Variants in PTPRT observed in about 807,000 individuals in gnomAD.
PTPRT encodes receptor-type tyrosine-protein phosphatase T.
Under a neutral mutation model 176.8 loss-of-function variants are expected in PTPRT, and 56 were observed. The observed-to-expected ratio is 0.32, with a 90% CI of 0.26 to 0.40. The LOEUF (loss-of-function observed/expected upper bound fraction) is 0.40. Among genes scored for constraint, PTPRT ranks in the 10% least tolerant of loss-of-function variants. PTPRT has a pLI of 1.00. For synonymous variants in PTPRT, 783 were observed against 739.0 expected (o/e 1.06, Z -0.96); for missense variants, 1,540 against 1,908.2 (o/e 0.81, Z 3.60).
intron 1 of PTPRT, among the ~76,000 whole-genome samples, chr20:43,024,461 G>A (rs368092247): frequency 3.3e-5 from 5 of 151,782 alleles, no homozygotes; most frequent in East Asian, 3.9e-4. Context: ...ATGGTGGCAC[G>A]CTCCTATAAT....
At chr20:43,070,616 A>C (rs1185528711) in intron 1 of PTPRT, among the ~76,000 whole-genome samples, 1 of 152,224 alleles carries the variant, frequency 6.6e-6, no homozygotes, top group East Asian at 1.9e-4. Flanking sequence ...AAAATGTGGC[A>C]CATATACACC....
rs553715180 is a variant in PTPRT, at chr20:42,808,281, C to T, written c.215-16815G>A. Among the ~76,000 whole-genome samples, 118 of 152,332 alleles carry T rather than the reference C, an allele frequency of 7.7e-4. 1 individual carries two copies. Among genetic ancestry groups the T allele is most frequent in the Non-Finnish European group, 5.9e-5 (4 of 68,042 alleles). On this transcript the variant is annotated intron_variant, in intron 2 of 30. Coordinates refer to ENST00000373187, the MANE Select transcript of PTPRT (RefSeq NM_007050.6). The stretch of plus-strand genomic sequence containing the variant: ...CATCCTAATAAACACTCATCTCCAT[C>T]TCTGATTCTGAATCCCAGAGAATCC...
chr20:42,662,366 G>A (rs562968133), intron 7 of PTPRT, among the ~76,000 whole-genome samples: 16 of 152,258 alleles, frequency 1.1e-4, no homozygotes, highest in African/African-American at 3.4e-4. Flanking sequence ...GCTGGGTCCA[G>A]AGCAGGACTC....
chr20:42,694,872 A>G (rs2867493), intron 6 of PTPRT, among the ~76,000 whole-genome samples: 55,143 of 151,882 alleles, frequency 0.36, 11,018 homozygotes, highest in African/African-American at 0.54. Context: ...TGCAAACAGG[A>G]TGTCTACTGT....
intron 6 of PTPRT, among the ~76,000 whole-genome samples, chr20:42,733,176 C>T (rs1489475868): frequency 2.6e-5 from 4 of 152,144 alleles, no homozygotes; most frequent in East Asian, 1.9e-4. Context: ...CTGCAGATGA[C>T]GTGTACATTC....
At position 42,778,301 on chromosome 20, in the gene PTPRT, C is replaced by T. The variant is rs549725494; in HGVS notation, c.568+1917G>A. On this transcript the variant is annotated intron_variant, in intron 4 of 30. Transcript: ENST00000373187. ...GAGGTAAGGCAGAGCTTTTACCACTCTGGCCTTGAAGGTAGTTACGGCTAG... is the reference window on the plus strand; with the variant it reads ...GAGGTAAGGCAGAGCTTTTACCACTTTGGCCTTGAAGGTAGTTACGGCTAG... Among the ~76,000 whole-genome samples, 4 of 152,308 alleles carry T rather than the reference C, an allele frequency of 2.6e-5. No individual in the cohort carries two copies. The South Asian group carries it at 8.3e-4, about 32-fold the overall frequency.
chr20:43,170,675 C>A (rs1185133173), intron 1 of PTPRT, among the ~76,000 whole-genome samples: 1 of 152,184 alleles, frequency 6.6e-6, no homozygotes, highest in Non-Finnish European at 1.5e-5. Flanking sequence ...AACCCCCTGC[C>A]AGACTGGTAG....
chr20:42,925,798 C>A (rs1324728847), intron 1 of PTPRT, among the ~76,000 whole-genome samples: 1 of 152,192 alleles, frequency 6.6e-6, no homozygotes, highest in Non-Finnish European at 1.5e-5. Context: ...AGGGCCATGC[C>A]TTGAGAGAAT....
intron 6 of PTPRT, among the ~76,000 whole-genome samples, chr20:42,709,093 G>A (rs200599313): frequency 6.6e-6 from 1 of 152,232 alleles, no homozygotes; most frequent in Non-Finnish European, 1.5e-5. Context: ...CTTGTAGCTT[G>A]CTTTGGTTAT....
rs141489753 is a variant in PTPRT, at chr20:42,172,136, T to C, written c.2492-10594A>G. 7.9e-5 allele frequency among the ~76,000 whole-genome samples: 12 copies of C among 151,880 alleles called. No individual in the cohort carries two copies. The East Asian group carries it at 2.3e-3, about 29-fold the overall frequency. ...TAATGCACACATGACAGAAAAAGGA[T>C]AGGTGGGTTTGAAAAATATACATTC... is the stretch of plus-strand genomic sequence containing the variant. On this transcript the variant is annotated intron_variant, in intron 16 of 30. Coordinates refer to ENST00000373187, the MANE Select transcript of PTPRT (RefSeq NM_007050.6).
chr20:42,911,827 C>A (rs1687609980), intron 1 of PTPRT, among the ~76,000 whole-genome samples: 1 of 152,198 alleles, frequency 6.6e-6, no homozygotes, highest in East Asian at 1.9e-4. Flanking sequence ...ACATTTGGAA[C>A]CAGAATGAAC....
chr20:42,741,858 G>A (rs1351432786), intron 6 of PTPRT, among the ~76,000 whole-genome samples: 2 of 152,100 alleles, frequency 1.3e-5, no homozygotes, highest in African/African-American at 4.8e-5. Flanking sequence ...TAAGACCTGG[G>A]AGGAGGGTAC....
rs115800491 is a variant in PTPRT, at chr20:42,707,770, A to G, written c.860-29611T>C. On this transcript the variant is annotated intron_variant, in intron 6 of 30. Transcript: ENST00000373187. ...GGAGTTTCAGACCAGCCTGAGCAAC[A>G]CAGCAATACCCCATCTCGAAAATCA... Among the ~76,000 whole-genome samples, 1,337 of 152,320 alleles carry G rather than the reference A, an allele frequency of 8.8e-3. 22 individuals carry two copies. The highest frequency in any genetic ancestry group is 0.031 in the African/African-American group (1,277 of 41,568).
At chr20:42,843,399 GGGCAGCTGCT>G (rs2078313302) in intron 2 of PTPRT, among the ~76,000 whole-genome samples, 2 of 93,334 alleles carry the variant, frequency 2.1e-5, no homozygotes, top group Non-Finnish European at 5.3e-5. Flanking sequence ...GGCCTCTGCT[GGGCAGCTGCT>G]ACTAGGCAGG....
chr20:43,157,108 T>G (rs1298773462), intron 1 of PTPRT, among the ~76,000 whole-genome samples: 2 of 151,754 alleles, frequency 1.3e-5, no homozygotes, highest in African/African-American at 4.8e-5. Context: ...TCCCAGCACT[T>G]TGGGAGGCCA....
At chr20:42,544,164 C>T (rs536266073) in intron 7 of PTPRT, among the ~76,000 whole-genome samples, 39 of 152,304 alleles carry the variant, frequency 2.6e-4, no homozygotes, top group Non-Finnish European at 4.4e-4. Flanking sequence ...TCTCTAGCTA[C>T]GAAAGTCCTA....
the PTPRT span, among the ~76,000 whole-genome samples, chr20:42,045,541 G>T: frequency 6.6e-6 from 1 of 151,782 alleles, no homozygotes; most frequent in African/African-American, 2.4e-5. Flanking sequence ...TTGGTCTAGG[G>T]AAGATCTGGT....
At chr20:42,801,647 T>C (rs1417835033) in intron 2 of PTPRT, among the ~76,000 whole-genome samples, 3 of 152,184 alleles carry the variant, frequency 2.0e-5, no homozygotes, top group Non-Finnish European at 4.4e-5. Flanking sequence ...TGTGGAAAGT[T>C]CTATGACAAG....
chr20:42,853,981 T>A (rs2078519950), intron 2 of PTPRT, among the ~76,000 whole-genome samples: 1 of 152,174 alleles, frequency 6.6e-6, no homozygotes, highest in South Asian at 2.1e-4. Flanking sequence ...CCACCCATTA[T>A]CAAATCACAT....
Sources: gnomAD v4.1 joint callset for allele counts (sites outside exome capture counted in the v4.1 genomes callset) on GRCh38, gnomAD v4.1.1 for gene constraint, MANE v1.5 for transcripts, NCBI Gene and HGNC (gene_info 2026-07-23, HGNC 2026-07-21) for gene names.